AUP1: variants seen among roughly 807,000 people sequenced by gnomAD.
The protein encoded by AUP1 is AUP1 lipid droplet regulating VLDL assembly factor, also known as lipid droplet-regulating VLDL assembly factor AUP1.
A neutral mutation model predicts 51.8 loss-of-function variants in AUP1; 30 were observed. The ratio of observed to expected loss-of-function variants is 0.58; its 90% CI spans 0.43 to 0.79. The LOEUF (loss-of-function observed/expected upper bound fraction) is 0.79, where lower values mean the gene tolerates loss of function less well. Among genes scored for constraint, AUP1 ranks in the 30% least tolerant of loss-of-function variants. The pLI is 0.00. For missense variants in AUP1, 492 were observed against 517.1 expected (o/e 0.95, Z 0.47); for synonymous variants, 227 against 209.0 (o/e 1.09, Z -0.74).
chr2:74,528,836 C>G lies in AUP1; in HGVS notation c.439G>C (p.Ala147Pro). Reference protein sequence around the residue: ...ELVESLKRFCASTRLPPTPLL... With the variant: ...ELVESLKRFCPSTRLPPTPLL... ...GGAGTGGGGGGAAGCCTCGTGGAAG[C>G]ACAGAATCTCTTGAGTGACTCCACC... The change falls in exon 4 of 12, where the codon GCT becomes CCT. Residue 147 changes from alanine to proline, a missense_variant. By Grantham distance (27) the Ala-to-Pro change is conservative. Coordinates refer to ENST00000377526, the MANE Select transcript of AUP1 (RefSeq NM_181575.5). 1.2e-6 allele frequency: 2 copies of G among 1,614,128 alleles called. No individual in the cohort carries two copies. Among genetic ancestry groups the G allele is most frequent in the Non-Finnish European group, 1.7e-6 (2 of 1,180,022 alleles).
chr2:74,527,726 G>T lies in AUP1; in HGVS notation c.841+10C>A. ...AACCCCAAAAGCTGTAATGTATAGA[G>T]ACCACATACCTGACTGGGGGCGCAA... On this transcript the variant is annotated intron_variant, in intron 8 of 11. Coordinates refer to ENST00000377526, the MANE Select transcript of AUP1 (RefSeq NM_181575.5). 1 of 1,613,098 alleles carries T rather than the reference G, an allele frequency of 6.2e-7. No homozygotes were observed. Among genetic ancestry groups the T allele is most frequent in the South Asian group, 1.1e-5 (1 of 91,048 alleles).
Position 74,529,565 on chromosome 2 carries a change from C to T in AUP1, c.50+15G>A, listed in dbSNP as rs765766257. Reference sequence around the variant, plus strand: ...GAGCACGCGGGGATCGGTCTCTTCCCGCCGGGTCTCTTACCGGTGCGAGTC... The same window carrying T: ...GAGCACGCGGGGATCGGTCTCTTCCTGCCGGGTCTCTTACCGGTGCGAGTC... On this transcript the variant is annotated intron_variant, in intron 1 of 11. Coordinates refer to ENST00000377526, the MANE Select transcript of AUP1 (RefSeq NM_181575.5). 6 of 1,556,840 alleles carry T rather than the reference C, an allele frequency of 3.9e-6. No homozygotes were observed. The East Asian group carries it at 7.1e-5, about 19-fold the overall frequency.
chr2:74,527,691 GAA>G (rs551995892), intron 8 of AUP1, 43 bp downstream of exon 8: 4 of 1,219,144 alleles, frequency 3.3e-6, no homozygotes, highest in African/African-American at 1.6e-5. Context: ...ACAGTAGGCC[GAA>G]AAAAAAAAAC....
rs968068750 is a variant in AUP1, at chr2:74,526,820, G to C, written c.1213C>G (p.Arg405Gly). The C allele has an allele frequency of 6.4e-7, 1 of 1,551,012 alleles. No individual in the cohort carries two copies. Among genetic ancestry groups the C allele is most frequent in the African/African-American group, 1.4e-5 (1 of 73,068 alleles). Residue 405 changes from arginine (R) to glycine (G), a missense_variant, in exon 12 of 12, where the codon CGA (arginine) becomes GGA (glycine). Coordinates refer to ENST00000377526, the MANE Select transcript of AUP1 (RefSeq NM_181575.5). Reference protein sequence around the residue: ...EYARRRFTERRAQEAD With the variant: ...EYARRRFTERGAQEAD Reference sequence around the variant, plus strand: ...TGAGCTCAGTCAGCCTCCTGGGCTCGTCTCTCTGTGAATCTCCTGTGGGAC... The same window carrying C: ...TGAGCTCAGTCAGCCTCCTGGGCTCCTCTCTCTGTGAATCTCCTGTGGGAC...
Position 74,527,634 on chromosome 2 carries a change from G to A in AUP1, c.842-44C>T, listed in dbSNP as rs534463784. 193 of 1,591,362 alleles carry A rather than the reference G, an allele frequency of 1.2e-4. 5 individuals are homozygous for A. In the South Asian group the frequency reaches 2.1e-3, roughly 18 times the overall value. On this transcript the variant is annotated intron_variant, in intron 8 of 11. Coordinates refer to ENST00000377526, the MANE Select transcript of AUP1 (RefSeq NM_181575.5). ...AAGAAAAAAGAAATTCTGGTAAGTA[G>A]AGAACTAGAAGGAGAGGCTAACTAG...
At position 74,529,652 on chromosome 2, in the gene AUP1, G is replaced by GGCCGTC. The variant is rs1675425536; in HGVS notation, c.-29_-24dup. 1.9e-6 allele frequency: 3 copies of GGCCGTC among 1,548,066 alleles called. No homozygotes were observed. The highest frequency in any genetic ancestry group is 2.7e-5 in the African/African-American group (2 of 73,284). On this transcript the variant is annotated 5_prime_UTR_variant, in exon 1 of 12. Coordinates refer to ENST00000377526, the MANE Select transcript of AUP1 (RefSeq NM_181575.5). ...CATAACTGCTGCTTCAGGAGCGCCC[G>GGCCGTC]GCCGTCGCCGCCGCCGCCATTTTCG...
In AUP1 at chr2:74,527,921, T is replaced by C; in HGVS notation, c.738+19A>G. The C allele has an allele frequency of 6.2e-7, 1 of 1,614,162 alleles. No homozygotes were observed. Among genetic ancestry groups the C allele is most frequent in the Non-Finnish European group, 8.5e-7 (1 of 1,180,002 alleles). ...CTAAGCAGGGACCCCGCCTCCACCC[T>C]GTCTGTGCACCCGACCACCTGTTGT... is the stretch of plus-strand genomic sequence containing the variant. On this transcript the variant is annotated intron_variant, in intron 7 of 11. Coordinates refer to ENST00000377526, the MANE Select transcript of AUP1 (RefSeq NM_181575.5).
chr2:74,528,237 A>G lies in AUP1; in HGVS notation c.671+11T>C. On this transcript the variant is annotated intron_variant, in intron 6 of 11. Coordinates refer to ENST00000377526, the MANE Select transcript of AUP1 (RefSeq NM_181575.5). Reference sequence around the variant, plus strand: ...TCTCCCCAGCGACCAAAATGTGAGGACAGTTAATACCTTACTTGATACACC... The same window carrying G: ...TCTCCCCAGCGACCAAAATGTGAGGGCAGTTAATACCTTACTTGATACACC... 4 of 1,612,546 alleles carry G rather than the reference A, an allele frequency of 2.5e-6. No individual in the cohort carries two copies. Among genetic ancestry groups the G allele is most frequent in the Non-Finnish European group, 3.4e-6 (4 of 1,178,652 alleles).
Position 74,527,857 on chromosome 2 carries a change from C to T in AUP1, c.739-19G>A. 1 of 1,613,880 alleles carries T rather than the reference C, an allele frequency of 6.2e-7. No individual in the cohort carries two copies. Among genetic ancestry groups the T allele is most frequent in the Non-Finnish European group, 8.5e-7 (1 of 1,179,790 alleles). ...CCACCAGCTAGGGAGAATTGGAAGA[C>T]TGGAAGTGTCAAGATCTCAAGCTTT... is the stretch of plus-strand genomic sequence containing the variant. On this transcript the variant is annotated intron_variant, in intron 7 of 11. Coordinates refer to ENST00000377526, the MANE Select transcript of AUP1 (RefSeq NM_181575.5).
At chr2:74,529,326 C>A in intron 2 of AUP1, 36 bp downstream of exon 2, 1 of 1,613,682 alleles carries the variant, frequency 6.2e-7, no homozygotes, top group Non-Finnish European at 8.5e-7. Context: ...CGGGCCAGAC[C>A]CAGCTCTGAC....
chr2:74,527,445 C>T (rs1474316487), intron 9 of AUP1, 26 bp downstream of exon 9: 1 of 1,610,358 alleles, frequency 6.2e-7, no homozygotes, highest in African/African-American at 1.3e-5. Flanking sequence ...GCCCATCTCC[C>T]AGTGTGGGGC....
chr2:74,527,134 A>C, intron 10 of AUP1, 75 bp from the exon 11 acceptor site: 1 of 1,611,474 alleles, frequency 6.2e-7, no homozygotes, highest in Non-Finnish European at 8.5e-7. Context: ...ACTTTGCAAG[A>C]GAGGCACTAT....
chr2:74,527,774 A>T lies in AUP1; in HGVS notation c.803T>A (p.Met268Lys). 2 of 1,613,820 alleles carry T rather than the reference A, an allele frequency of 1.2e-6. No homozygotes were observed. Among genetic ancestry groups the T allele is most frequent in the Non-Finnish European group, 1.7e-6 (2 of 1,179,988 alleles). The change falls in exon 8 of 12, where the codon ATG becomes AAG. Residue 268 changes from methionine (M) to lysine (K), a missense_variant. Transcript: ENST00000377526. ...CAATCTGGGGTGTCTTTGTCGCTTC[A>T]TGTGCTCTGCTTTGTCAGCTGGAGT... ...RLTPADKAEH[M>K]KRQRHPRLRP...
Position 74,526,794 on chromosome 2 carries a change from T to G in AUP1, c.*6A>C. 1 of 1,536,714 alleles carries G rather than the reference T, an allele frequency of 6.5e-7. No homozygotes were observed. Among genetic ancestry groups the G allele is most frequent in the Non-Finnish European group, 8.8e-7 (1 of 1,141,346 alleles). ...CGGCTCTGGGTGCCATCCTGTTCCT[T>G]TGAGCTCAGTCAGCCTCCTGGGCTC... On this transcript the variant is annotated 3_prime_UTR_variant, in exon 12 of 12. Coordinates refer to ENST00000377526, the MANE Select transcript of AUP1 (RefSeq NM_181575.5).
At chr2:74,528,541 G>A (rs1293729004) in intron 4 of AUP1, 52 bp from the exon 5 acceptor site, 9 of 1,504,330 alleles carry the variant, frequency 6.0e-6, no homozygotes, top group Non-Finnish European at 8.3e-6. Flanking sequence ...CTAGTCAGCA[G>A]CTCACACCTG....
rs750194890 is a variant in AUP1 at position 74,526,922 on chromosome 2, T to C, written c.1196+19A>G. 5 of 1,612,432 alleles carry C rather than the reference T, an allele frequency of 3.1e-6. No individual in the cohort carries two copies. Among genetic ancestry groups the C allele is most frequent in the South Asian group, 1.1e-5 (1 of 91,074 alleles). On this transcript the variant is annotated intron_variant, in intron 11 of 11. Coordinates refer to ENST00000377526, the MANE Select transcript of AUP1 (RefSeq NM_181575.5). ...CTCCAATTTGCCACATCCTATTAAT[T>C]GTCCTCTAACCCCCTCACCTTCTTG...
chr2:74,526,675 T>C lies in AUP1; in HGVS notation c.*125A>G. On this transcript the variant is annotated 3_prime_UTR_variant, in exon 12 of 12. Transcript: ENST00000377526. Reference sequence around the variant, plus strand: ...CCTTGAATGAAAACCATGAATTTAATGTGACATTGGGGGAGCCTCATCCTT... The same window carrying C: ...CCTTGAATGAAAACCATGAATTTAACGTGACATTGGGGGAGCCTCATCCTT... 8.5e-7 allele frequency: 1 copy of C among 1,176,232 alleles called. No homozygotes were observed. The highest frequency in any genetic ancestry group is 1.2e-6 in the Non-Finnish European group (1 of 840,516). 72.9% of individuals were successfully genotyped at this position (1,176,232 alleles called of 1,614,324 possible).
rs768998963 is a variant in AUP1 at position 74,528,278 on chromosome 2, A to C, written c.641T>G (p.Leu214Arg). The C allele has an allele frequency of 1.9e-6, 3 of 1,614,164 alleles. No individual in the cohort carries two copies. Among genetic ancestry groups the C allele is most frequent in the Non-Finnish European group, 2.5e-6 (3 of 1,180,030 alleles). ...TTGATACACCGTGAAAGGGACGAAA[A>C]GTGACCACAGCAGTTCTGAGACCCA... Reference protein sequence around the residue: ...ASWVSELLWSLFVPFTVYQVR... With the variant: ...ASWVSELLWSRFVPFTVYQVR... Residue 214 changes from leucine to arginine, a missense_variant, in exon 6 of 12, where the codon CTT becomes CGT. Transcript: ENST00000377526.
In AUP1 at chr2:74,526,740, G is replaced by A; in HGVS notation, c.*60C>T. ...CACCCATCCAGCCTGTTGTGAGTTG[G>A]GTGAGGGCTGCCCCCAGTCTCCGTC... is the stretch of plus-strand genomic sequence containing the variant. On this transcript the variant is annotated 3_prime_UTR_variant, in exon 12 of 12. Transcript: ENST00000377526. 1 of 1,504,896 alleles carries A rather than the reference G, an allele frequency of 6.6e-7. No homozygotes were observed. The highest frequency in any genetic ancestry group is 8.9e-7 in the Non-Finnish European group (1 of 1,124,770). 93.2% of individuals were successfully genotyped at this position (1,504,896 alleles called of 1,614,324 possible).
Sources: gnomAD v4.1 joint callset for allele counts on GRCh38, gnomAD v4.1.1 for gene constraint, MANE v1.5 for transcripts, NCBI Gene and HGNC (gene_info 2026-07-23, HGNC 2026-07-21) for gene names.